Variants in PTPRT observed in about 807,000 individuals in gnomAD.
The protein encoded by PTPRT is receptor-type tyrosine-protein phosphatase T.
Under a neutral mutation model 176.8 loss-of-function variants are expected in PTPRT, and 56 were observed. That is an observed-to-expected ratio of 0.32 (90% confidence interval 0.26 to 0.40). The LOEUF is 0.40. Among genes scored for constraint, PTPRT ranks in the 10% least tolerant of loss-of-function variants. The probability of loss-of-function intolerance (pLI) is 1.00; values close to 1 mark genes in which losing one functional copy is unlikely to be tolerated. For synonymous variants in PTPRT, 783 were observed against 739.0 expected (o/e 1.06, Z -0.96); for missense variants, 1,540 against 1,908.2 (o/e 0.81, Z 3.60).
At chr20:42,701,425 G>A (rs901034081) in intron 6 of PTPRT, among the ~76,000 whole-genome samples, 5 of 152,174 alleles carry the variant, frequency 3.3e-5, no homozygotes, top group Admixed American at 2.0e-4. Flanking sequence ...ATGTCATGGT[G>A]CAATGTAATT....
intron 1 of PTPRT, among the ~76,000 whole-genome samples, chr20:43,161,217 A>C (rs1267635111): frequency 6.6e-6 from 1 of 152,134 alleles, no homozygotes; most frequent in Non-Finnish European, 1.5e-5. Context: ...CTGCAGAAAA[A>C]TTTTGCTGAT....
At chr20:42,720,675 A>C (rs2076289676) in intron 6 of PTPRT, among the ~76,000 whole-genome samples, 1 of 152,138 alleles carries the variant, frequency 6.6e-6, no homozygotes, top group South Asian at 2.1e-4. Flanking sequence ...CATTATCATG[A>C]CTGAAGTTAT....
At chr20:42,201,950 C>T (rs370479956) in intron 15 of PTPRT, among the ~76,000 whole-genome samples, 48 of 143,202 alleles carry the variant, frequency 3.4e-4, no homozygotes, top group African/African-American at 7.6e-4. Flanking sequence ...AGAAAAGTTG[C>T]GTGTGTGTGT....
rs566216606 is a variant in PTPRT, at chr20:42,913,229, C to A, written c.89-27297G>T. Among the ~76,000 whole-genome samples, 221 of 152,208 alleles carry A rather than the reference C, an allele frequency of 1.5e-3. 1 individual carries two copies. Among genetic ancestry groups the A allele is most frequent in the African/African-American group, 4.9e-3 (204 of 41,516 alleles). On this transcript the variant is annotated intron_variant, in intron 1 of 30. Transcript: ENST00000373187. ...AGTGCCACAGACTGGGTGGCTTAAA[C>A]GACAGAAAGGTATTATCTTACAGTT...
chr20:43,158,396 T>G (rs1290219746), intron 1 of PTPRT, among the ~76,000 whole-genome samples: 1 of 152,194 alleles, frequency 6.6e-6, no homozygotes, highest in Non-Finnish European at 1.5e-5. Flanking sequence ...AGTTAAATAT[T>G]GGAGGCAAGA....
In PTPRT at chr20:42,270,609, C is replaced by A. The variant is rs556596735; in HGVS notation, c.2176+11880G>T. 9.9e-5 allele frequency among the ~76,000 whole-genome samples: 15 copies of A among 152,282 alleles called. No homozygotes were observed. The East Asian group carries it at 2.5e-3, about 26-fold the overall frequency. On this transcript the variant is annotated intron_variant, in intron 13 of 30. Coordinates refer to ENST00000373187, the MANE Select transcript of PTPRT (RefSeq NM_007050.6). Reference sequence around the variant, plus strand: ...AAAAGAACATCATGATTTAACAAAACAGGGCCTGAAATAGATTTAAAAAAA... The same window carrying A: ...AAAAGAACATCATGATTTAACAAAAAAGGGCCTGAAATAGATTTAAAAAAA...
At chr20:42,587,154 C>G (rs1343536410) in intron 7 of PTPRT, among the ~76,000 whole-genome samples, 2 of 152,218 alleles carry the variant, frequency 1.3e-5, no homozygotes, top group Non-Finnish European at 2.9e-5. Flanking sequence ...GAGGAGTCAG[C>G]AACCATTTTG....
chr20:42,042,254 A>G, the PTPRT span, among the ~76,000 whole-genome samples: 1 of 152,190 alleles, frequency 6.6e-6, no homozygotes, highest in Non-Finnish European at 1.5e-5. Flanking sequence ...TCCTGCAAAG[A>G]AAATTCACTC....
the PTPRT span, among the ~76,000 whole-genome samples, chr20:42,049,432 C>T: frequency 6.6e-6 from 1 of 152,316 alleles, no homozygotes; most frequent in East Asian, 1.9e-4. Flanking sequence ...TCATAAAAAC[C>T]TTCTGTGAAC....
chr20:42,512,074 C>A (rs150723899), intron 7 of PTPRT, among the ~76,000 whole-genome samples: 1 of 152,040 alleles, frequency 6.6e-6, no homozygotes, highest in Admixed American at 6.6e-5. Flanking sequence ...TTGGATGCAA[C>A]CTTCTAAAGA....
chr20:42,845,245 G>A (rs1324048988), intron 2 of PTPRT, among the ~76,000 whole-genome samples: 1 of 152,052 alleles, frequency 6.6e-6, no homozygotes, highest in South Asian at 2.1e-4. Context: ...CAGAGGTCCA[G>A]ACTGGGGAAA....
chr20:42,767,848 T>A (rs998346809), intron 5 of PTPRT, among the ~76,000 whole-genome samples: 1 of 146,872 alleles, frequency 6.8e-6, no homozygotes, highest in Non-Finnish European at 1.5e-5. Context: ...TAACATATAA[T>A]AACATAATTT....
At chr20:42,680,654 G>T (rs543639688) in intron 6 of PTPRT, among the ~76,000 whole-genome samples, 1 of 152,286 alleles carries the variant, frequency 6.6e-6, no homozygotes, top group East Asian at 1.9e-4. Flanking sequence ...GACTTCAATA[G>T]TTTGGAGGCT....
rs56329932 is a variant in PTPRT, at chr20:42,169,743, A to AACACACACACAC, written c.2492-8213_2492-8202dup. The stretch of plus-strand genomic sequence containing the variant: ...GATACCGTGAAAAGTACAATTTTCA[A>AACACACACACAC]ACACACACACACACACACACACACA... On this transcript the variant is annotated intron_variant, in intron 16 of 30. Coordinates refer to ENST00000373187, the MANE Select transcript of PTPRT (RefSeq NM_007050.6). Among the ~76,000 whole-genome samples the AACACACACACAC allele has an allele frequency of 3.7e-3, 388 of 104,628 alleles. 5 individuals are homozygous for AACACACACACAC. Among genetic ancestry groups the AACACACACACAC allele is most frequent in the Middle Eastern group, 0.018 (3 of 164 alleles). The allele number at this position is 104,628 out of a possible 152,430, so 68.6% of individuals were successfully genotyped here.
At chr20:42,218,753 G>A (rs949037170) in intron 15 of PTPRT, among the ~76,000 whole-genome samples, 1 of 152,162 alleles carries the variant, frequency 6.6e-6, no homozygotes, top group Non-Finnish European at 1.5e-5. Flanking sequence ...GGTACTGAGC[G>A]GTGCACTGTC....
At chr20:42,059,875 A>C in the PTPRT span, among the ~76,000 whole-genome samples, 1 of 152,182 alleles carries the variant, frequency 6.6e-6, no homozygotes. Flanking sequence ...TCCATAACTC[A>C]AGTAATCCTT....
intron 6 of PTPRT, among the ~76,000 whole-genome samples, chr20:42,702,357 C>T (rs545949390): frequency 8.5e-5 from 13 of 152,198 alleles, no homozygotes; most frequent in Admixed American, 2.6e-4. Flanking sequence ...GGGATCAACA[C>T]GGATAATAAA....
At chr20:42,507,021 C>T (rs2071857908) in intron 7 of PTPRT, among the ~76,000 whole-genome samples, 1 of 152,114 alleles carries the variant, frequency 6.6e-6, no homozygotes, top group Non-Finnish European at 1.5e-5. Context: ...AATCTCAGCT[C>T]CCAGGTCCAC....
chr20:42,103,395 A>G (rs1237977462), intron 25 of PTPRT, among the ~76,000 whole-genome samples: 1 of 152,232 alleles, frequency 6.6e-6, no homozygotes, highest in Non-Finnish European at 1.5e-5. Flanking sequence ...GAGATTCTGC[A>G]TTTATAACAA....
Sources: gnomAD v4.1 joint callset for allele counts (sites outside exome capture counted in the v4.1 genomes callset) on GRCh38, gnomAD v4.1.1 for gene constraint, MANE v1.5 for transcripts, NCBI Gene and HGNC (gene_info 2026-07-23, HGNC 2026-07-21) for gene names.